Variants in OTOF observed in about 807,000 individuals in gnomAD.
The protein encoded by OTOF is fer-1-like family member 2.
In OTOF, 218 loss-of-function variants were observed where a neutral mutation model predicts 236.8. That is an observed-to-expected ratio of 0.92 (90% confidence interval 0.82 to 1.03). The LOEUF is 1.03. OTOF is among the 50% of genes least tolerant of loss of function. The pLI is 0.00. For synonymous variants in OTOF, 1,041 were observed against 1,072.5 expected, an observed-to-expected ratio of 0.97 and a Z score of 0.57; for missense variants, 2,590 against 2,694.4, an observed-to-expected ratio of 0.96 and a Z score of 0.86.
At chr2:26,556,649 G>T (rs552528543) in intron 1 of OTOF, among the ~76,000 whole-genome samples, 1 of 152,148 alleles carries the variant, frequency 6.6e-6, no homozygotes, top group African/African-American at 2.4e-5. Flanking sequence ...CTGGCCCCCA[G>T]GTGGCCCAGG....
Position 26,477,195 on chromosome 2 carries a change from T to G in OTOF, c.2500A>C (p.Lys834Gln), listed in dbSNP as rs750575310. ...ACCTCGTCCGCCAGGAAGCGCAGCT[T>G]CTGCAGGAAGTTCTGGCACAGCCTC... ...KLRLCQNFLQ[K>Q]LRFLADEPQH... is the part of the protein sequence containing the mutation. The change falls in exon 21 of 47, where the codon AAG (lysine) becomes CAG (glutamine). Residue 834 changes from lysine (K) to glutamine (Q), a missense_variant. Physicochemically the swap from Lys to Gln is moderately conservative, Grantham distance 53 (BLOSUM62 1). Transcript: ENST00000272371. The surrounding 1 kb of genome is among the most constrained non-coding windows in gnomAD (Gnocchi z 4.7). 9 of 1,610,990 alleles carry G rather than the reference T, an allele frequency of 5.6e-6. No individual in the cohort carries two copies. The highest frequency in any genetic ancestry group is 7.6e-6 in the Non-Finnish European group (9 of 1,179,670).
In OTOF at chr2:26,473,056, G is replaced by T. The variant is rs2148041075; in HGVS notation, c.3733+76C>A. 1.4e-6 allele frequency: 2 copies of T among 1,472,922 alleles called. No homozygotes were observed. The highest frequency in any genetic ancestry group is 1.2e-5 in the South Asian group (1 of 85,262). The allele number at this position is 1,472,922 out of a possible 1,614,324, so 91.2% of individuals were successfully genotyped here. On this transcript the variant is annotated intron_variant, in intron 29 of 46. Coordinates refer to ENST00000272371, the MANE Select transcript of OTOF (RefSeq NM_194248.3). The surrounding 1 kb of genome is among the most constrained non-coding windows in gnomAD (Gnocchi z 7.2). Reference sequence around the variant, plus strand: ...AAAGAGCAAACTCTGGTCGCGGCTTGGACTGGGCGGAGACCTGGAGCCCTT... The same window carrying T: ...AAAGAGCAAACTCTGGTCGCGGCTTTGACTGGGCGGAGACCTGGAGCCCTT...
chr2:26,461,860 T>A lies in OTOF; in HGVS notation c.5369A>T (p.Asn1790Ile). Reference protein sequence around the residue: ...YHSLTGEGNFNWRYLFPFDYL... With the variant: ...YHSLTGEGNFIWRYLFPFDYL... Reference sequence around the variant, plus strand: ...GTCGAAGGGGAACAGGTAGCGCCAGTTGAAGTTGCCCTCGCCAGTGAGGGA... The same window carrying A: ...GTCGAAGGGGAACAGGTAGCGCCAGATGAAGTTGCCCTCGCCAGTGAGGGA... Residue 1790 changes from asparagine to isoleucine, a missense_variant, in exon 43 of 47, where the codon AAC (asparagine) becomes ATC (isoleucine). Asn to Ile is a moderately radical substitution (Grantham distance 149, BLOSUM62 -3). This residue lies in a region of OTOF where 1,211 missense variants were observed against 1,352.8 expected (regional missense o/e 0.90). Transcript: ENST00000272371. The surrounding 1 kb of genome is among the most constrained non-coding windows in gnomAD (Gnocchi z 6.2). The A allele has an allele frequency of 6.2e-7, 1 of 1,614,146 alleles. No homozygotes were observed. The highest frequency in any genetic ancestry group is 2.2e-5 in the East Asian group (1 of 44,864).
At chr2:26,551,547 A>T (rs1572501225) in intron 1 of OTOF, among the ~76,000 whole-genome samples, 1 of 152,078 alleles carries the variant, frequency 6.6e-6, no homozygotes, top group South Asian at 2.1e-4. Flanking sequence ...CTGCCTGGGC[A>T]CCTGTGCCTC....
intron 3 of OTOF, among the ~76,000 whole-genome samples, chr2:26,523,527 C>T (rs988268263): frequency 1.3e-5 from 2 of 152,176 alleles, no homozygotes; most frequent in African/African-American, 4.8e-5. Flanking sequence ...CCTCTTTTAG[C>T]TCAATTTCCC....
chr2:26,513,563 C>A (rs975392846), intron 5 of OTOF, among the ~76,000 whole-genome samples: 1 of 152,226 alleles, frequency 6.6e-6, no homozygotes, highest in Admixed American at 6.5e-5. Flanking sequence ...ATCCCCACGC[C>A]GGACCCTAAC....
intron 1 of OTOF, among the ~76,000 whole-genome samples, chr2:26,552,101 A>AAG (rs1667476253): frequency 6.6e-6 from 1 of 151,220 alleles, no homozygotes; most frequent in African/African-American, 2.4e-5. Context: ...TAAAAAAAAA[A>AAG]AAAAAAGGCC....
chr2:26,468,610 T>C, intron 32 of OTOF, 136 bp from the exon 33 acceptor site: 1 of 763,740 alleles, frequency 1.3e-6, no homozygotes, highest in East Asian at 2.5e-5. Flanking sequence ...AAGTCCACCA[T>C]GTGCTCTGCT....
intron 9 of OTOF, among the ~76,000 whole-genome samples, chr2:26,490,263 C>G (rs1665807983): frequency 6.6e-6 from 1 of 152,226 alleles, no homozygotes; most frequent in African/African-American, 2.4e-5. Flanking sequence ...GTTTAATAAG[C>G]CACATGGACA....
rs1306984504 is a variant in OTOF, at chr2:26,468,453, A to G, written c.4045T>C (p.Ser1349Pro). ...TCCTTCTCCTCCAAGTCAATTCCAG[A>G]GGGCTCTTGTTGTCGAAGTTGCTGC... is the stretch of plus-strand genomic sequence containing the variant. Reference protein sequence around the residue: ...MKEQLRQQEPSGIDLEEKEEV... With the variant: ...MKEQLRQQEPPGIDLEEKEEV... Residue 1349 changes from serine (S) to proline (P), a missense_variant, in exon 33 of 47, where the codon TCT becomes CCT. Ser to Pro is a moderately conservative substitution (Grantham distance 74, BLOSUM62 -1). This residue lies in a region of OTOF where 1,211 missense variants were observed against 1,352.8 expected (regional missense o/e 0.90). Transcript: ENST00000272371. 6.2e-7 allele frequency: 1 copy of G among 1,613,976 alleles called. No homozygotes were observed. The highest frequency in any genetic ancestry group is 8.5e-7 in the Non-Finnish European group (1 of 1,179,976).
chr2:26,508,921 A>G (rs534014646), intron 5 of OTOF, among the ~76,000 whole-genome samples: 4 of 152,316 alleles, frequency 2.6e-5, no homozygotes, highest in Admixed American at 1.3e-4. Flanking sequence ...ACACATAATA[A>G]TAATAACAAT....
At chr2:26,552,058 A>T (rs929682773) in intron 1 of OTOF, among the ~76,000 whole-genome samples, 1 of 145,478 alleles carries the variant, frequency 6.9e-6, no homozygotes, top group Non-Finnish European at 1.5e-5. Flanking sequence ...CCACTCTTGT[A>T]TGTATTTGAG....
At chr2:26,482,337 A>C in intron 14 of OTOF, 69 bp downstream of exon 14, 1 of 1,394,538 alleles carries the variant, frequency 7.2e-7, no homozygotes, top group Non-Finnish European at 1.0e-6. Flanking sequence ...AAGAGAGGGC[A>C]TCTCACATAT....
In OTOF at chr2:26,465,944, C is replaced by G. The variant is rs1664706577; in HGVS notation, c.4628+5G>C. ...GTGGCAGGGGAGGGCACCAAGAAGC[C>G]TTACTTCCCAAAGACAGGGTTGAGC... On this transcript the variant is annotated splice_donor_5th_base_variant and intron_variant, in intron 37 of 46. Transcript: ENST00000272371. 2 of 1,614,236 alleles carry G rather than the reference C, an allele frequency of 1.2e-6. No individual in the cohort carries two copies. The highest frequency in any genetic ancestry group is 1.7e-6 in the Non-Finnish European group (2 of 1,180,040).
At chr2:26,464,237 T>G (rs1167499797) in intron 39 of OTOF, 131 bp from the exon 40 acceptor site, 1 of 1,154,304 alleles carries the variant, frequency 8.7e-7, no homozygotes, top group Non-Finnish European at 1.2e-6. Flanking sequence ...TTTTCACTGT[T>G]GGGGAAACTG....
intron 15 of OTOF, 36 bp from the exon 16 acceptor site, chr2:26,480,347 A>G: frequency 1.5e-6 from 2 of 1,304,506 alleles, no homozygotes; most frequent in South Asian, 1.2e-5. Flanking sequence ...CCTGAGCTTG[A>G]GTAAGGGTGG....
intron 5 of OTOF, among the ~76,000 whole-genome samples, chr2:26,504,707 C>T (rs1032024525): frequency 2.2e-5 from 3 of 135,844 alleles, no homozygotes; most frequent in African/African-American, 5.0e-5. Context: ...TCCCTGCAGC[C>T]GAGCCTGTGG....
intron 5 of OTOF, among the ~76,000 whole-genome samples, chr2:26,508,208 G>A (rs1666297262): frequency 6.6e-6 from 1 of 152,176 alleles, no homozygotes; most frequent in South Asian, 2.1e-4. Context: ...TCCTGTCTAT[G>A]AGAAATAGGG....
chr2:26,531,799 T>G (rs868243977), intron 2 of OTOF, among the ~76,000 whole-genome samples: 38 of 151,904 alleles, frequency 2.5e-4, no homozygotes, highest in African/African-American at 9.2e-4. Context: ...AGCTATTAGA[T>G]TGAAGGAAAG....
Sources: allele counts gnomAD v4.1 joint callset (sites outside exome capture counted in the v4.1 genomes callset), GRCh38; gene constraint gnomAD v4.1.1; regional missense constraint gnomAD v4.1.1; non-coding constraint Gnocchi (gnomAD v3.1); transcripts MANE v1.5; gene names NCBI Gene and HGNC (gene_info 2026-07-23, HGNC 2026-07-21).